Variants in DGKH observed in about 807,000 individuals in gnomAD.
DGKH encodes the protein diacylglycerol kinase eta, also known as DAG kinase eta.
Under a neutral mutation model 159.3 loss-of-function variants are expected in DGKH, and 90 were observed. The ratio of observed to expected loss-of-function variants is 0.57; its 90% CI spans 0.48 to 0.67. The LOEUF (loss-of-function observed/expected upper bound fraction) is 0.67, where lower values mean the gene tolerates loss of function less well. DGKH is among the 30% of genes least tolerant of loss of function. The pLI, the probability that DGKH is intolerant of heterozygous loss-of-function variation, is 0.00. For missense variants in DGKH, 1,181 were observed against 1,506.1 expected (o/e 0.78, Z 3.57); for synonymous variants, 536 against 553.8 (o/e 0.97, Z 0.45).
At chr13:42,150,409 ATCT>A (rs746299965) in intron 3 of DGKH, among the ~76,000 whole-genome samples, 2 of 152,228 alleles carry the variant, frequency 1.3e-5, no homozygotes, top group Non-Finnish European at 2.9e-5. Flanking sequence ...ACCTGACTAC[ATCT>A]TCTGCCTGCG....
At position 42,149,507 on chromosome 13, in the gene DGKH, G is replaced by T. The variant is rs557021588; in HGVS notation, c.385-5784G>T. Among the ~76,000 whole-genome samples the T allele has an allele frequency of 7.9e-5, 12 of 152,304 alleles. No individual in the cohort carries two copies. In the Middle Eastern group the frequency reaches 0.014, roughly 173 times the overall value. On this transcript the variant is annotated intron_variant, in intron 3 of 29. Transcript: ENST00000337343. Reference sequence around the variant, plus strand: ...GGGTATTTCATTTCTGTTTCCTGGAGGCTGCAACATTGTTTGGCAGAAAAT... The same window carrying T: ...GGGTATTTCATTTCTGTTTCCTGGATGCTGCAACATTGTTTGGCAGAAAAT...
In DGKH at chr13:42,229,488, A is replaced by T; in HGVS notation, c.*300A>T. ...ACGATTGCATTGTCTAAACAGTGGA[A>T]TTGCAAAATGTTTACTTTCCATAGA... On this transcript the variant is annotated 3_prime_UTR_variant, in exon 30 of 30. Coordinates refer to ENST00000337343, the MANE Select transcript of DGKH (RefSeq NM_178009.5). 7.8e-6 allele frequency: 2 copies of T among 254,950 alleles called. No individual in the cohort carries two copies. The highest frequency in any genetic ancestry group is 1.5e-5 in the Non-Finnish European group (2 of 135,534). The allele number at this position is 254,950 out of a possible 1,614,324, so 15.8% of individuals were successfully genotyped here. A position where few individuals can be genotyped will look rare whatever the true frequency, so the allele number is the denominator to read the frequency against.
chr13:42,088,233 T>C (rs1420932141), intron 1 of DGKH, among the ~76,000 whole-genome samples: 1 of 152,178 alleles, frequency 6.6e-6, no homozygotes, highest in East Asian at 1.9e-4. Context: ...TGTGAGAATT[T>C]ATCACCAGGA....
At chr13:42,197,891 T>C (rs913499342) in intron 17 of DGKH, among the ~76,000 whole-genome samples, 1 of 152,222 alleles carries the variant, frequency 6.6e-6, no homozygotes, top group African/African-American at 2.4e-5. Flanking sequence ...GAAAACTAGT[T>C]GGAAAGCATG....
intron 12 of DGKH, among the ~76,000 whole-genome samples, chr13:42,175,904 G>A (rs1333590511): frequency 6.6e-6 from 1 of 152,128 alleles, no homozygotes; most frequent in Non-Finnish European, 1.5e-5. Context: ...TGGGTCTTAG[G>A]CAAATTACTC....
intron 1 of DGKH, among the ~76,000 whole-genome samples, chr13:42,085,121 G>T (rs1566092807): frequency 6.6e-6 from 1 of 152,094 alleles, no homozygotes; most frequent in Non-Finnish European, 1.5e-5. Flanking sequence ...TAATGCAGAT[G>T]ATATAAAAAC....
intron 3 of DGKH, among the ~76,000 whole-genome samples, chr13:42,149,989 T>A (rs1412448163): frequency 6.6e-6 from 1 of 152,222 alleles, no homozygotes; most frequent in Non-Finnish European, 1.5e-5. Flanking sequence ...GTTCTTTTAT[T>A]TACCTTGTAA....
At chr13:42,107,741 T>C (rs1323924651) in intron 1 of DGKH, among the ~76,000 whole-genome samples, 1 of 151,982 alleles carries the variant, frequency 6.6e-6, no homozygotes, top group Non-Finnish European at 1.5e-5. Context: ...GGACAGATCG[T>C]AGACAGGCAA....
intron 5 of DGKH, among the ~76,000 whole-genome samples, chr13:42,158,369 A>T (rs1448874728): frequency 6.6e-6 from 1 of 152,250 alleles, no homozygotes; most frequent in East Asian, 1.9e-4. Flanking sequence ...CTGTTTAGCT[A>T]AAAGTCAGGA....
At chr13:42,248,573 TATAAA>T in intron 29 of DGKH, among the ~76,000 whole-genome samples, 1 of 147,348 alleles carries the variant, frequency 6.8e-6, no homozygotes, top group Non-Finnish European at 1.5e-5. Context: ...TTAATATAAA[TATAAA>T]ATAATTTATA....
chr13:42,121,346 C>T lies in DGKH; in HGVS notation c.193-6117C>T, dbSNP rs537335112. Among the ~76,000 whole-genome samples, 5 of 152,222 alleles carry T rather than the reference C, an allele frequency of 3.3e-5. No individual in the cohort carries two copies. The South Asian group carries it at 8.3e-4, about 25-fold the overall frequency. On this transcript the variant is annotated intron_variant, in intron 1 of 29. Transcript: ENST00000337343. ...TAGGCTAACGTAAGTGTTCTGAGCACGTTTAAGGTAGATTAGGCTAAGCTG... is the reference window on the plus strand; with the variant it reads ...TAGGCTAACGTAAGTGTTCTGAGCATGTTTAAGGTAGATTAGGCTAAGCTG...
chr13:42,189,110 C>G lies in DGKH; in HGVS notation c.1713C>G (p.Leu571=). ...CAGATTCCCAGGCTGCGCCTGTTCTCCCTGGCCTCAGCCCTCTCATTGTGG... is the reference window on the plus strand; with the variant it reads ...CAGATTCCCAGGCTGCGCCTGTTCTGCCTGGCCTCAGCCCTCTCATTGTGG... ...LHTDSQAAPV[L]PGLSPLIVEE... The change falls in exon 15 of 30, where the codon CTC becomes CTG. Residue 571 remains leucine (L), a synonymous_variant. Coordinates refer to ENST00000337343, the MANE Select transcript of DGKH (RefSeq NM_178009.5). 1 of 1,614,256 alleles carries G rather than the reference C, an allele frequency of 6.2e-7. No homozygotes were observed. Among genetic ancestry groups the G allele is most frequent in the Non-Finnish European group, 8.5e-7 (1 of 1,180,042 alleles).
chr13:42,057,707 C>A (rs1287393445), intron 1 of DGKH, among the ~76,000 whole-genome samples: 1 of 152,150 alleles, frequency 6.6e-6, no homozygotes, highest in Non-Finnish European at 1.5e-5. Context: ...CAAAAATATA[C>A]AAAAACCTCT....
chr13:42,068,866 A>G (rs1306889031), intron 1 of DGKH: 3 of 771,970 alleles, frequency 3.9e-6, no homozygotes, highest in Non-Finnish European at 5.7e-6. Flanking sequence ...AATGACTTAA[A>G]CTCTAGTAAT....
At chr13:42,109,054 A>G (rs1467457040) in intron 1 of DGKH, among the ~76,000 whole-genome samples, 7 of 152,242 alleles carry the variant, frequency 4.6e-5, no homozygotes, top group South Asian at 2.1e-4. Context: ...GACTAGTTCA[A>G]TTTAGTTTAA....
rs1274172939 is a variant in DGKH, at chr13:42,242,602, T to C, written c.*13414T>C. The C allele has an allele frequency of 6.6e-6, 1 of 152,228 alleles. No individual in the cohort carries two copies. Among genetic ancestry groups the C allele is most frequent in the Admixed American group, 6.5e-5 (1 of 15,288 alleles). 9.4% of individuals were successfully genotyped at this position (152,228 alleles called of 1,614,324 possible). On this transcript the variant is annotated 3_prime_UTR_variant, in exon 30 of 30. Coordinates refer to ENST00000337343, the MANE Select transcript of DGKH (RefSeq NM_178009.5). ...TTATTGCCTACTATTTTAAAGATGT[T>C]TTATGTGTTTTCACCTTTGGAATAT...
intron 1 of DGKH, among the ~76,000 whole-genome samples, chr13:42,094,948 C>A (rs1954493118): frequency 6.6e-6 from 1 of 151,992 alleles, no homozygotes; most frequent in Non-Finnish European, 1.5e-5. Context: ...AGTTCCCTAA[C>A]TATAGAAACC....
At chr13:42,220,317 C>T (rs1306507092) in intron 28 of DGKH, among the ~76,000 whole-genome samples, 2 of 152,206 alleles carry the variant, frequency 1.3e-5, no homozygotes, top group Non-Finnish European at 2.9e-5. Flanking sequence ...AACCCCTCGA[C>T]AATGACAATA....
At position 42,048,895 on chromosome 13, in the gene DGKH, G is replaced by A. The variant is rs767142235; in HGVS notation, c.122G>A (p.Ser41Asn). The A allele has an allele frequency of 7.3e-7, 1 of 1,372,502 alleles. No individual in the cohort carries two copies. The highest frequency in any genetic ancestry group is 2.0e-5 in the South Asian group (1 of 49,772). The allele number at this position is 1,372,502 out of a possible 1,614,324, so 85.0% of individuals were successfully genotyped here. A position where few individuals can be genotyped will look rare whatever the true frequency, so the allele number is the denominator to read the frequency against. ...SAGPGEDSSD[S>N]EAEQEGPQKL... Reference sequence around the variant, plus strand: ...GGGCCGGGAGAGGATTCGTCTGACAGCGAAGCGGAGCAAGAGGGACCCCAG... The same window carrying A: ...GGGCCGGGAGAGGATTCGTCTGACAACGAAGCGGAGCAAGAGGGACCCCAG... Residue 41 changes from serine (S) to asparagine (N), a missense_variant, in exon 1 of 30, where the codon AGC (serine) becomes AAC (asparagine). By Grantham distance (46) the Ser-to-Asn change is conservative. Transcript: ENST00000337343. The surrounding 1 kb of genome is among the most constrained non-coding windows in gnomAD (Gnocchi z 6.7).
Sources: allele counts gnomAD v4.1 joint callset (sites outside exome capture counted in the v4.1 genomes callset), GRCh38; gene constraint gnomAD v4.1.1; non-coding constraint Gnocchi (gnomAD v3.1); transcripts MANE v1.5; gene names NCBI Gene and HGNC (gene_info 2026-07-23, HGNC 2026-07-21).